Variants in UBA6 observed in about 807,000 individuals in gnomAD.
The protein encoded by UBA6 is ubiquitin like modifier activating enzyme 6.
A neutral mutation model predicts 148.3 loss-of-function variants in UBA6; 87 were observed. The observed-to-expected ratio is 0.59, with a 90% CI of 0.49 to 0.70. UBA6 has a LOEUF of 0.70. Ranked by LOEUF, UBA6 falls within the 30% of genes least tolerant of loss-of-function variation. The pLI is 0.00. For synonymous variants in UBA6, 376 were observed against 401.0 expected (o/e 0.94, Z 0.75); for missense variants, 1,186 against 1,241.2 (o/e 0.96, Z 0.67).
Position 67,616,912 on chromosome 4 carries a change from C to T in UBA6, c.*2085G>A, listed in dbSNP as rs1415232856. 2 of 152,058 alleles carry T rather than the reference C, an allele frequency of 1.3e-5. No individual in the cohort carries two copies. The highest frequency in any genetic ancestry group is 1.3e-4 in the Admixed American group (2 of 15,258). The allele number at this position is 152,058 out of a possible 1,614,324, so 9.4% of individuals were successfully genotyped here. On this transcript the variant is annotated 3_prime_UTR_variant, in exon 33 of 33. Coordinates refer to ENST00000322244, the MANE Select transcript of UBA6 (RefSeq NM_018227.6). The stretch of plus-strand genomic sequence containing the variant: ...TGGTATTTCAGTCATCAACAGCAAT[C>T]TCATGGTACAGAAATAAAATAATGG...
At chr4:67,678,651 A>G (rs763559692) in intron 4 of UBA6, 118 bp from the exon 5 acceptor site, 25 of 472,118 alleles carry the variant, frequency 5.3e-5, no homozygotes, top group Middle Eastern at 3.9e-4. Context: ...TGAAAAGTAA[A>G]CAAAGGCATA....
At chr4:67,683,572 ATT>A (rs59333307) in intron 2 of UBA6, among the ~76,000 whole-genome samples, 23 of 145,038 alleles carry the variant, frequency 1.6e-4, no homozygotes, top group Middle Eastern at 3.5e-3. Context: ...TTTTTTTGCA[ATT>A]TTTTTTTTTT....
In UBA6 at chr4:67,646,719, A is replaced by G; in HGVS notation, c.1316+5T>C. ...TAGTAAAAGCAAGAGAAATTTCATT[A>G]TTACCGTGGGAGAAATTCTTCACAT... On this transcript the variant is annotated splice_donor_5th_base_variant and intron_variant, in intron 15 of 32. Coordinates refer to ENST00000322244, the MANE Select transcript of UBA6 (RefSeq NM_018227.6). The G allele has an allele frequency of 6.2e-7, 1 of 1,601,552 alleles. No homozygotes were observed. The highest frequency in any genetic ancestry group is 8.5e-7 in the Non-Finnish European group (1 of 1,173,494).
intron 23 of UBA6, among the ~76,000 whole-genome samples, chr4:67,632,493 A>T (rs1729022442): frequency 6.6e-6 from 1 of 152,230 alleles, no homozygotes; most frequent in Non-Finnish European, 1.5e-5. Flanking sequence ...ATTATAAAAA[A>T]AGTTTAAAAA....
At chr4:67,670,403 T>G (rs1730115299) in intron 8 of UBA6, 67 bp downstream of exon 8, 1 of 1,416,920 alleles carries the variant, frequency 7.1e-7, no homozygotes, top group African/African-American at 1.4e-5. Context: ...GATACCACCT[T>G]TCTGAAAACA....
chr4:67,625,221 A>G (rs754522794), intron 28 of UBA6, 34 bp from the exon 29 acceptor site: 1 of 1,525,402 alleles, frequency 6.6e-7, no homozygotes, highest in South Asian at 1.2e-5. Flanking sequence ...AAAGTTCCAC[A>G]GCAAGCAGTA....
intron 3 of UBA6, 37 bp downstream of exon 3, chr4:67,682,082 A>C (rs1345754273): frequency 4.1e-6 from 6 of 1,455,182 alleles, no homozygotes; most frequent in Non-Finnish European, 5.7e-6. Flanking sequence ...TTCATTGCTC[A>C]AAAGTGTCAA....
At chr4:67,676,539 C>A (rs1314242670) in intron 6 of UBA6, among the ~76,000 whole-genome samples, 1 of 152,188 alleles carries the variant, frequency 6.6e-6, no homozygotes, top group Non-Finnish European at 1.5e-5. Flanking sequence ...GCATAGCTCT[C>A]TGAGGCTCCA....
At chr4:67,698,525 G>A (rs1479533522) in intron 1 of UBA6, among the ~76,000 whole-genome samples, 2 of 152,188 alleles carry the variant, frequency 1.3e-5, no homozygotes. Flanking sequence ...GAGGCTGAGG[G>A]AGGTTAACTT....
intron 17 of UBA6, among the ~76,000 whole-genome samples, chr4:67,643,888 CAA>C (rs1729362385): frequency 6.6e-6 from 1 of 151,912 alleles, no homozygotes; most frequent in Admixed American, 6.6e-5. Context: ...CTGATGTAAC[CAA>C]AGACTTTCTT....
chr4:67,685,100 C>T lies in UBA6; in HGVS notation c.135-2887G>A, dbSNP rs6819987. Among the ~76,000 whole-genome samples, 756 of 152,188 alleles carry T rather than the reference C, an allele frequency of 5.0e-3. 9 individuals are homozygous for T. The highest frequency in any genetic ancestry group is 0.017 in the African/African-American group (710 of 41,526). On this transcript the variant is annotated intron_variant, in intron 2 of 32. Coordinates refer to ENST00000322244, the MANE Select transcript of UBA6 (RefSeq NM_018227.6). ...TTTATGAGAGAGAGAAAAAAACAACCATCAGTTCCCTGACCTAATTCTTTC... is the reference window on the plus strand; with the variant it reads ...TTTATGAGAGAGAGAAAAAAACAACTATCAGTTCCCTGACCTAATTCTTTC...
chr4:67,647,047 T>C (rs1729436256), intron 14 of UBA6, among the ~76,000 whole-genome samples: 1 of 152,192 alleles, frequency 6.6e-6, no homozygotes, highest in Non-Finnish European at 1.5e-5. Context: ...AAACATGATG[T>C]ATCCTAATTT....
At chr4:67,701,022 T>G in intron 1 of UBA6, 27 bp downstream of exon 1, 1 of 1,613,014 alleles carries the variant, frequency 6.2e-7, no homozygotes, top group Non-Finnish European at 8.5e-7. Flanking sequence ...CCGCGACCCC[T>G]CACCTTCGCC....
At chr4:67,692,393 G>A (rs955282756) in intron 2 of UBA6, among the ~76,000 whole-genome samples, 4 of 152,164 alleles carry the variant, frequency 2.6e-5, no homozygotes, top group African/African-American at 7.2e-5. Context: ...ATTTAAGGCA[G>A]AAATGGATAG....
Position 67,682,198 on chromosome 4 carries a change from A to G in UBA6, c.150T>C (p.Val50=). 1 of 1,613,680 alleles carries G rather than the reference A, an allele frequency of 6.2e-7. No homozygotes were observed. Among genetic ancestry groups the G allele is most frequent in the Non-Finnish European group, 8.5e-7 (1 of 1,179,730 alleles). The change falls in exon 3 of 33, where the codon GTT becomes GTC. Residue 50 remains valine, a synonymous_variant. Coordinates refer to ENST00000322244, the MANE Select transcript of UBA6 (RefSeq NM_018227.6). ...DDALYSRQRY[V]LGDTAMQKMA... ...TCTTCTGCATTGCTGTGTCTCCAAG[A>G]ACGTACCTCTGTCGACTACACGGAA...
intron 26 of UBA6, among the ~76,000 whole-genome samples, chr4:67,629,952 G>GT (rs1390561110): frequency 6.6e-6 from 1 of 152,014 alleles, no homozygotes; most frequent in African/African-American, 2.4e-5. Context: ...TCTCAAAACC[G>GT]TATGAGGCTC....
rs113593908 is a variant in UBA6, at chr4:67,682,129, A to T, written c.219T>A (p.Gly73=). 4.8e-4 allele frequency: 770 copies of T among 1,613,618 alleles called. 1 individual carries two copies. The African/African-American group carries it at 9.0e-3, about 19-fold the overall frequency. The change falls in exon 3 of 33, where the codon GGT becomes GGA. Residue 73 remains glycine (G), a synonymous_variant. Coordinates refer to ENST00000322244, the MANE Select transcript of UBA6 (RefSeq NM_018227.6). ...HVFLSGMGGL[G]LEIAKNLVLA... ...ATAAATATTGCTTACCAATTTCCAA[A>T]CCAAGACCACCCATCCCACTTAAGA...
At chr4:67,700,955 C>G (rs371590959) in intron 1 of UBA6, 94 bp downstream of exon 1, 8 of 1,517,962 alleles carry the variant, frequency 5.3e-6, no homozygotes, top group African/African-American at 1.4e-5. Flanking sequence ...CGCGGCCTCT[C>G]GGGCGCCCCC....
intron 30 of UBA6, among the ~76,000 whole-genome samples, chr4:67,623,544 G>A (rs987734838): frequency 6.6e-6 from 1 of 152,054 alleles, no homozygotes; most frequent in East Asian, 1.9e-4. Flanking sequence ...CCCATTACTG[G>A]ACACTTCGGT....
Sources: gnomAD v4.1 joint callset for allele counts (sites outside exome capture counted in the v4.1 genomes callset) on GRCh38, gnomAD v4.1.1 for gene constraint, MANE v1.5 for transcripts, NCBI Gene and HGNC (gene_info 2026-07-23, HGNC 2026-07-21) for gene names.